The following PPP2R2B variants were observed in gnomAD, a reference collection of about 807,000 sequenced individuals.
PPP2R2B encodes the protein serine/threonine-protein phosphatase 2A 55 kDa regulatory subunit B beta isoform.
A neutral mutation model predicts 46.0 loss-of-function variants in PPP2R2B; 5 were observed. The observed-to-expected ratio is 0.11, with a 90% CI of 0.06 to 0.23. The LOEUF is 0.23. Among genes scored for constraint, PPP2R2B ranks in the 10% least tolerant of loss-of-function variants. The probability of loss-of-function intolerance (pLI) is 1.00; values close to 1 mark genes in which losing one functional copy is unlikely to be tolerated. For synonymous variants in PPP2R2B, 215 were observed against 206.7 expected, an observed-to-expected ratio of 1.04 and a Z score of -0.34; for missense variants, 367 against 575.0, an observed-to-expected ratio of 0.64 and a Z score of 3.70.
intron 6 of PPP2R2B, among the ~76,000 whole-genome samples, chr5:146,640,683 A>G (rs1775150208): frequency 1.3e-5 from 2 of 152,346 alleles, no homozygotes; most frequent in Middle Eastern, 3.4e-3. Context: ...GCTGAACTGG[A>G]AGGGATCTTC....
chr5:146,841,010 A>T (rs1049909155), intron 2 of PPP2R2B, among the ~76,000 whole-genome samples: 10 of 152,332 alleles, frequency 6.6e-5, no homozygotes, highest in African/African-American at 2.4e-4. Flanking sequence ...CAAGCATTAA[A>T]TTTTGAACTA....
intron 5 of PPP2R2B, among the ~76,000 whole-genome samples, chr5:146,678,754 C>A (rs1258357033): frequency 6.9e-6 from 1 of 144,492 alleles, no homozygotes; most frequent in Non-Finnish European, 1.5e-5. Flanking sequence ...CAACAACAGA[C>A]AAACAGAGAG....
At chr5:147,008,661 C>A (rs1336172193) in intron 1 of PPP2R2B, among the ~76,000 whole-genome samples, 9 of 152,146 alleles carry the variant, frequency 5.9e-5, no homozygotes, top group Non-Finnish European at 1.2e-4. Context: ...AAGAGGCCTT[C>A]CTCAACCCCA....
intron 1 of PPP2R2B, among the ~76,000 whole-genome samples, chr5:147,005,952 A>T (rs1754417771): frequency 6.6e-6 from 1 of 152,226 alleles, no homozygotes. Flanking sequence ...CCTTGTTGTC[A>T]GTGTAAACAA....
intron 5 of PPP2R2B, among the ~76,000 whole-genome samples, chr5:146,687,805 A>G (rs1179897032): frequency 6.6e-6 from 1 of 152,204 alleles, no homozygotes; most frequent in East Asian, 1.9e-4. Context: ...CTGAAACAGA[A>G]CAGGTTCATT....
At chr5:146,914,797 T>A (rs1013217837) in intron 1 of PPP2R2B, among the ~76,000 whole-genome samples, 1 of 152,214 alleles carries the variant, frequency 6.6e-6, no homozygotes, top group African/African-American at 2.4e-5. Context: ...GTAGCCCAAA[T>A]GGAAGATCCA....
intron 2 of PPP2R2B, among the ~76,000 whole-genome samples, chr5:146,735,862 C>G (rs535984934): frequency 6.6e-6 from 1 of 152,244 alleles, no homozygotes; most frequent in Non-Finnish European, 1.5e-5. Flanking sequence ...TGATGATAAC[C>G]TATTTCATTC....
At chr5:147,043,360 A>C (rs1756401228) in intron 1 of PPP2R2B, among the ~76,000 whole-genome samples, 1 of 152,068 alleles carries the variant, frequency 6.6e-6, no homozygotes, top group African/African-American at 2.4e-5. Context: ...GTGGGACCTT[A>C]ATCTAGCAGG....
At chr5:146,954,120 C>T (rs1751760930) in intron 1 of PPP2R2B, among the ~76,000 whole-genome samples, 1 of 124,510 alleles carries the variant, frequency 8.0e-6, no homozygotes, top group Admixed American at 9.7e-5. Context: ...TTTGGTTTTA[C>T]CAAGAGACTT....
intron 1 of PPP2R2B, among the ~76,000 whole-genome samples, chr5:146,991,692 TA>T (rs34973819): frequency 0.47 from 72,076 of 151,910 alleles, 18,531 homozygotes; most frequent in Middle Eastern, 0.6. Flanking sequence ...TTGTACTCCC[TA>T]AATATGTACA....
intron 2 of PPP2R2B, among the ~76,000 whole-genome samples, chr5:146,791,512 A>T (rs1224254193): frequency 1.3e-5 from 2 of 152,134 alleles, no homozygotes; most frequent in Non-Finnish European, 2.9e-5. Context: ...CATTAAAAAA[A>T]AATCCAACTT....
intron 1 of PPP2R2B, among the ~76,000 whole-genome samples, chr5:147,030,934 C>A (rs1580829165): frequency 6.6e-6 from 1 of 152,098 alleles, no homozygotes; most frequent in African/African-American, 2.4e-5. Flanking sequence ...TCATATTTTA[C>A]TCGTTTAAAA....
intron 1 of PPP2R2B, among the ~76,000 whole-genome samples, chr5:147,051,757 T>C (rs1756834290): frequency 8.0e-6 from 1 of 125,376 alleles, no homozygotes; most frequent in Admixed American, 8.6e-5. Flanking sequence ...TGCTTCCTTT[T>C]TTTTTTTTTT....
At chr5:146,997,460 A>G (rs4705456) in intron 1 of PPP2R2B, among the ~76,000 whole-genome samples, 72,678 of 152,002 alleles carry the variant, frequency 0.48, 18,859 homozygotes, top group Middle Eastern at 0.6. Context: ...ACCCATGGAC[A>G]TGGCCTTTCA....
intron 6 of PPP2R2B, 33 bp from the exon 7 acceptor site, chr5:146,638,448 G>A: frequency 6.5e-7 from 1 of 1,547,160 alleles, no homozygotes; most frequent in South Asian, 1.2e-5. Flanking sequence ...GGAACCAGGA[G>A]AAGGAGGCAG....
At chr5:146,643,040 C>T (rs1775321401) in intron 6 of PPP2R2B, among the ~76,000 whole-genome samples, 1 of 152,148 alleles carries the variant, frequency 6.6e-6, no homozygotes, top group African/African-American at 2.4e-5. Flanking sequence ...CTGGGTAACA[C>T]AGCCAGACCC....
chr5:146,879,730 G>T (rs751884441), upstream of PPP2R2B, among the ~76,000 whole-genome samples: 19 of 152,206 alleles, frequency 1.2e-4, no homozygotes, highest in South Asian at 1.2e-3. Context: ...CTATTGTTAT[G>T]AAACAACCAA....
chr5:146,655,483 A>C (rs1202090882), intron 5 of PPP2R2B, among the ~76,000 whole-genome samples: 1 of 152,152 alleles, frequency 6.6e-6, no homozygotes, highest in African/African-American at 2.4e-5. Flanking sequence ...GACTGCTCAG[A>C]GTTTTTTAAA....
chr5:146,671,400 A>G (rs1032695389), intron 5 of PPP2R2B, among the ~76,000 whole-genome samples: 2 of 152,206 alleles, frequency 1.3e-5, no homozygotes, highest in East Asian at 1.9e-4. Context: ...AGTTATTTGC[A>G]TAAACAAATA....
Sources: gnomAD v4.1 joint callset for allele counts (sites outside exome capture counted in the v4.1 genomes callset) on GRCh38, gnomAD v4.1.1 for gene constraint, MANE v1.5 for transcripts, NCBI Gene and HGNC (gene_info 2026-07-23, HGNC 2026-07-21) for gene names.